Variants in CMIP observed in about 807,000 individuals in gnomAD.
The protein encoded by CMIP is C-Maf-inducing protein.
Under a neutral mutation model 97.3 loss-of-function variants are expected in CMIP, and 13 were observed. That is an observed-to-expected ratio of 0.13 (90% CI 0.09 to 0.21). The LOEUF is 0.21. Among genes scored for constraint, CMIP ranks in the 10% least tolerant of loss-of-function variants. The pLI, the probability that CMIP is intolerant of heterozygous loss-of-function variation, is 1.00. For missense variants in CMIP, 847 were observed against 1,024.9 expected (o/e 0.83, Z 2.37); for synonymous variants, 538 against 436.3 (o/e 1.23, Z -2.91).
intron 1 of CMIP, among the ~76,000 whole-genome samples, chr16:81,459,688 G>A (rs1409806946): frequency 6.6e-6 from 1 of 151,994 alleles, no homozygotes; most frequent in African/African-American, 2.4e-5. Context: ...GAGCACACCC[G>A]TGGGGTAAAC....
Position 81,500,160 on chromosome 16 carries a change from C to T in CMIP, c.300+54619C>T, listed in dbSNP as rs143488327. 9.9e-3 allele frequency among the ~76,000 whole-genome samples: 1,505 copies of T among 152,282 alleles called. 11 individuals are homozygous for T. Among genetic ancestry groups the T allele is most frequent in the Middle Eastern group, 0.024 (7 of 294 alleles). On this transcript the variant is annotated intron_variant, in intron 1 of 20. Transcript: ENST00000537098. ...CGACTTTTAGAGCTGGTGCGCAGTCCTGCCTGAGCATCGGTGAACATGACG... is the reference window on the plus strand; with the variant it reads ...CGACTTTTAGAGCTGGTGCGCAGTCTTGCCTGAGCATCGGTGAACATGACG...
intron 2 of CMIP, among the ~76,000 whole-genome samples, chr16:81,612,690 C>G (rs2091851347): frequency 6.6e-6 from 1 of 152,198 alleles, no homozygotes; most frequent in Non-Finnish European, 1.5e-5. Flanking sequence ...TTGCCTGGAA[C>G]CAGGCCCTTT....
chr16:81,678,152 G>C, intron 9 of CMIP, 123 bp from the exon 10 acceptor site: 1 of 701,702 alleles, frequency 1.4e-6, no homozygotes, highest in Non-Finnish European at 2.3e-6. Context: ...TGTAGCACAG[G>C]AATGATGATA....
At chr16:81,586,294 C>T (rs759536495) in intron 1 of CMIP, among the ~76,000 whole-genome samples, 1 of 152,138 alleles carries the variant, frequency 6.6e-6, no homozygotes, top group Non-Finnish European at 1.5e-5. Context: ...ACACAGTTTA[C>T]TGTAGTAGAG....
chr16:81,521,134 A>G (rs1046896012), intron 1 of CMIP, among the ~76,000 whole-genome samples: 2 of 152,192 alleles, frequency 1.3e-5, no homozygotes, highest in Non-Finnish European at 2.9e-5. Context: ...TATACCAAAA[A>G]ATGGATTGTT....
intron 2 of CMIP, among the ~76,000 whole-genome samples, chr16:81,609,909 C>G (rs1222196918): frequency 2.6e-5 from 4 of 152,190 alleles, no homozygotes; most frequent in Non-Finnish European, 1.5e-5. Flanking sequence ...CTCAGACCCT[C>G]TTCCAAAGGC....
intron 9 of CMIP, among the ~76,000 whole-genome samples, chr16:81,675,520 C>T (rs796248035): frequency 6.6e-5 from 10 of 152,144 alleles, no homozygotes; most frequent in African/African-American, 2.4e-4. Flanking sequence ...TGCCCGTGTA[C>T]AATGTTTTTG....
At chr16:81,568,030 T>TGTG (rs763223868) in intron 1 of CMIP, among the ~76,000 whole-genome samples, 1 of 83,620 alleles carries the variant, frequency 1.2e-5, no homozygotes, top group African/African-American at 4.2e-5. Flanking sequence ...TTTCAGTGTG[T>TGTG]GTGTGTGTGT....
chr16:81,521,059 C>T (rs756543968), intron 1 of CMIP, among the ~76,000 whole-genome samples: 15 of 152,218 alleles, frequency 9.9e-5, no homozygotes, highest in Non-Finnish European at 2.1e-4. Context: ...AGCCTGGGAA[C>T]AGGAATGTGC....
intron 2 of CMIP, among the ~76,000 whole-genome samples, chr16:81,613,995 CAGA>C (rs1182850485): frequency 6.6e-6 from 1 of 152,194 alleles, no homozygotes; most frequent in Non-Finnish European, 1.5e-5. Context: ...CCATAGCCTG[CAGA>C]AGAAGGACAA....
At chr16:81,521,927 T>C (rs936756733) in intron 1 of CMIP, among the ~76,000 whole-genome samples, 2 of 152,226 alleles carry the variant, frequency 1.3e-5, no homozygotes, top group African/African-American at 2.4e-5. Context: ...CAGTGTCTGA[T>C]ACAGTGAAAT....
intron 7 of CMIP, 192 bp downstream of exon 7, chr16:81,664,541 G>A: frequency 1.8e-6 from 1 of 568,880 alleles, no homozygotes; most frequent in Non-Finnish European, 3.1e-6. Context: ...TACGGCAACA[G>A]GAAGAATCTT....
At chr16:81,572,586 C>A (rs2091112291) in intron 1 of CMIP, among the ~76,000 whole-genome samples, 1 of 152,214 alleles carries the variant, frequency 6.6e-6, no homozygotes. Context: ...CCTTATGTTA[C>A]AGACGGGGAG....
chr16:81,477,747 A>G (rs1008392700), intron 1 of CMIP, among the ~76,000 whole-genome samples: 2 of 152,226 alleles, frequency 1.3e-5, no homozygotes, highest in Non-Finnish European at 2.9e-5. Context: ...TTGAGGGCCT[A>G]GGGCCCCTCC....
chr16:81,522,496 G>T (rs2090047701), intron 1 of CMIP, among the ~76,000 whole-genome samples: 1 of 152,256 alleles, frequency 6.6e-6, no homozygotes, highest in Non-Finnish European at 1.5e-5. Context: ...AGTGAGCACT[G>T]CATACTGTGA....
At chr16:81,577,319 CATT>C (rs1223372848) in intron 1 of CMIP, among the ~76,000 whole-genome samples, 1 of 146,922 alleles carries the variant, frequency 6.8e-6, no homozygotes, top group African/African-American at 2.5e-5. Flanking sequence ...ATTACCACTA[CATT>C]ATTATCACTA....
chr16:81,555,903 A>G (rs1456263155), intron 1 of CMIP, among the ~76,000 whole-genome samples: 1 of 151,736 alleles, frequency 6.6e-6, no homozygotes, highest in Non-Finnish European at 1.5e-5. Flanking sequence ...AATAATACCC[A>G]CCCCTGGGAG....
At chr16:81,500,457 C>G (rs2089587384) in intron 1 of CMIP, among the ~76,000 whole-genome samples, 1 of 139,520 alleles carries the variant, frequency 7.2e-6, no homozygotes, top group Non-Finnish European at 1.6e-5. Context: ...TCCTCCCTCC[C>G]TCCCTCCTTC....
chr16:81,623,133 G>A (rs2092014970), intron 3 of CMIP, among the ~76,000 whole-genome samples: 1 of 152,200 alleles, frequency 6.6e-6, no homozygotes, highest in Admixed American at 6.5e-5. Flanking sequence ...GAGCCCAGGA[G>A]ATGGAGGTTG....
Sources: allele counts gnomAD v4.1 joint callset (sites outside exome capture counted in the v4.1 genomes callset), GRCh38; gene constraint gnomAD v4.1.1; transcripts MANE v1.5; gene names NCBI Gene and HGNC (gene_info 2026-07-23, HGNC 2026-07-21).